The following SMC4 variants were observed in gnomAD, a reference collection of about 807,000 sequenced individuals.
SMC4 encodes the protein structural maintenance of chromosomes 4, also known as structural maintenance of chromosomes protein 4.
Under a neutral mutation model 145.6 loss-of-function variants are expected in SMC4, and 87 were observed. The ratio of observed to expected loss-of-function variants is 0.60; its 90% CI spans 0.50 to 0.71. The LOEUF (loss-of-function observed/expected upper bound fraction) is 0.71, where lower values mean the gene tolerates loss of function less well. Ranked by LOEUF, SMC4 falls within the 30% of genes least tolerant of loss-of-function variation. The pLI, the probability that SMC4 is intolerant of heterozygous loss-of-function variation, is 0.00. For synonymous variants in SMC4, 558 were observed against 500.7 expected, an observed-to-expected ratio of 1.11 and a Z score of -1.53; for missense variants, 1,447 against 1,537.1, an observed-to-expected ratio of 0.94 and a Z score of 0.98.
At chr3:160,425,162 G>T in intron 16 of SMC4, 143 bp downstream of exon 16, 5 of 1,286,662 alleles carry the variant, frequency 3.9e-6, no homozygotes, top group Non-Finnish European at 5.2e-6. Context: ...TATAACTCTT[G>T]ATGATTTTGT....
Position 160,414,390 on chromosome 3 carries a change from T to C in SMC4, c.1145T>C (p.Phe382Ser). ...AGGAAACTGAATAAAATTACAAAAT[T>C]TATTGAGGAGAATAAAGAAAAATTT... The part of the protein sequence containing the change: ...TEKKLNKITK[F>S]IEENKEKFTQ... The change falls in exon 9 of 24, where the codon TTT becomes TCT. Residue 382 changes from phenylalanine to serine, a missense_variant. Phe to Ser is a radical substitution (Grantham distance 155). Coordinates refer to ENST00000357388, the MANE Select transcript of SMC4 (RefSeq NM_001002800.3). 6.2e-7 allele frequency: 1 copy of C among 1,603,074 alleles called. No individual in the cohort carries two copies. The highest frequency in any genetic ancestry group is 1.3e-5 in the African/African-American group (1 of 74,614).
chr3:160,423,866 G>C, intron 15 of SMC4, 26 bp downstream of exon 15: 2 of 1,540,444 alleles, frequency 1.3e-6, no homozygotes, highest in Admixed American at 1.9e-5. Flanking sequence ...ATTGTATCCA[G>C]ACTTTTTTTT....
chr3:160,430,510 T>C, intron 18 of SMC4, 89 bp from the exon 19 acceptor site: 3 of 1,143,818 alleles, frequency 2.6e-6, no homozygotes, highest in Non-Finnish European at 3.6e-6. Flanking sequence ...AATGTCACAT[T>C]AAATTTCATG....
chr3:160,403,264 T>C (rs1714912224), intron 4 of SMC4, among the ~76,000 whole-genome samples: 1 of 152,104 alleles, frequency 6.6e-6, no homozygotes, highest in South Asian at 2.1e-4. Context: ...TCAGTGCATT[T>C]TAACTCTAAT....
chr3:160,410,530 A>G (rs942288904), intron 5 of SMC4, among the ~76,000 whole-genome samples: 14 of 152,242 alleles, frequency 9.2e-5, no homozygotes, highest in African/African-American at 3.4e-4. Flanking sequence ...AAATATCTAC[A>G]TATTTTCACT....
intron 13 of SMC4, among the ~76,000 whole-genome samples, chr3:160,421,812 C>T (rs974459841): frequency 3.3e-5 from 5 of 152,154 alleles, no homozygotes; most frequent in African/African-American, 7.2e-5. Context: ...TGTTGTTCAC[C>T]CATGACCACT....
chr3:160,419,242 T>G (rs896248365), intron 11 of SMC4, 116 bp from the exon 12 acceptor site: 1 of 726,618 alleles, frequency 1.4e-6, no homozygotes, highest in Non-Finnish European at 2.1e-6. Context: ...GGTTCAAATT[T>G]TTATTGTTGG....
At chr3:160,406,117 A>G (rs576258856) in intron 5 of SMC4, among the ~76,000 whole-genome samples, 24 of 152,130 alleles carry the variant, frequency 1.6e-4, no homozygotes, top group Non-Finnish European at 2.5e-4. Context: ...TCAAATTTAT[A>G]TTACATTTGT....
chr3:160,413,670 T>G (rs912764303), intron 8 of SMC4, 57 bp downstream of exon 8: 7 of 983,174 alleles, frequency 7.1e-6, no homozygotes, highest in Admixed American at 3.2e-5. Context: ...ACATGTGTAT[T>G]TATATATAAA....
At chr3:160,412,189 TTA>T (rs1716065448) in intron 6 of SMC4, 105 bp downstream of exon 6, 11 of 1,430,054 alleles carry the variant, frequency 7.7e-6, no homozygotes, top group Non-Finnish European at 1.0e-5. Flanking sequence ...TGAAGAAGTG[TTA>T]TATTGAAATT....
At chr3:160,417,079 T>C (rs149129213) in intron 10 of SMC4, among the ~76,000 whole-genome samples, 9 of 152,312 alleles carry the variant, frequency 5.9e-5, no homozygotes, top group Admixed American at 1.3e-4. Flanking sequence ...TTATCTTTGT[T>C]TGTATGTACC....
intron 9 of SMC4, among the ~76,000 whole-genome samples, chr3:160,415,420 T>A (rs940241875): frequency 6.6e-6 from 1 of 152,242 alleles, no homozygotes; most frequent in African/African-American, 2.4e-5. Flanking sequence ...TTCATGTTCA[T>A]AGCTCTGTCA....
rs369410243 is a variant in SMC4 at position 160,428,821 on chromosome 3, G to A, written c.2674G>A (p.Val892Ile). ...AEVKRLHNTI[V>I]EINNHKLKAQ... ...GGTTAAACGCTTACACAATACCATC[G>A]TAGAAATCAATAATCATAAACTCAA... The change falls in exon 18 of 24, where the codon GTA (valine) becomes ATA (isoleucine). Residue 892 changes from valine to isoleucine, a missense_variant. Transcript: ENST00000357388. 1.2e-5 allele frequency: 20 copies of A among 1,607,936 alleles called. No homozygotes were observed. Among genetic ancestry groups the A allele is most frequent in the South Asian group, 6.7e-5 (6 of 89,464 alleles).
Position 160,404,316 on chromosome 3 carries a change from T to C in SMC4, c.511-12T>C, listed in dbSNP as rs1165380222. ...AACAATTGTTTTCTGGTTTTGTTTTTCCTCAAAACAGGAAGGGGATGATTA... is the reference window on the plus strand; with the variant it reads ...AACAATTGTTTTCTGGTTTTGTTTTCCCTCAAAACAGGAAGGGGATGATTA... On this transcript the variant is annotated splice_polypyrimidine_tract_variant and intron_variant, in intron 4 of 23. Transcript: ENST00000357388. The C allele has an allele frequency of 6.3e-7, 1 of 1,590,046 alleles. No homozygotes were observed. The highest frequency in any genetic ancestry group is 8.5e-7 in the Non-Finnish European group (1 of 1,174,076).
chr3:160,403,290 G>A (rs932305780), intron 4 of SMC4, among the ~76,000 whole-genome samples: 1 of 152,136 alleles, frequency 6.6e-6, no homozygotes, highest in African/African-American at 2.4e-5. Flanking sequence ...TGGCCCCTGA[G>A]TATCTGTGAT....
intron 22 of SMC4, 105 bp from the exon 23 acceptor site, chr3:160,432,921 C>A: frequency 1.3e-6 from 1 of 754,030 alleles, no homozygotes; most frequent in Non-Finnish European, 2.2e-6. Context: ...AAGCAAGTTA[C>A]AGATTCCTAA....
chr3:160,402,963 A>G (rs1714870097), intron 4 of SMC4, 96 bp downstream of exon 4: 1 of 843,360 alleles, frequency 1.2e-6, no homozygotes, highest in Admixed American at 3.5e-5. Context: ...ATTTGTATGT[A>G]ATTACAGCGG....
chr3:160,424,414 C>A (rs1717540322), intron 15 of SMC4, among the ~76,000 whole-genome samples: 1 of 151,996 alleles, frequency 6.6e-6, no homozygotes, highest in South Asian at 2.1e-4. Context: ...CACTTAGTTA[C>A]CTTTCCATCT....
At chr3:160,412,891 G>T in intron 7 of SMC4, 1 of 802,452 alleles carries the variant, frequency 1.2e-6, no homozygotes, top group Non-Finnish European at 1.5e-6. Context: ...GTCCTTTTAC[G>T]TGTGCACTTT....
Sources: gnomAD v4.1 joint callset for allele counts (sites outside exome capture counted in the v4.1 genomes callset) on GRCh38, gnomAD v4.1.1 for gene constraint, MANE v1.5 for transcripts, NCBI Gene and HGNC (gene_info 2026-07-23, HGNC 2026-07-21) for gene names.